Variants in SHOC1 observed in about 807,000 individuals in gnomAD.
SHOC1 encodes the protein shortage in chiasmata 1, also known as protein shortage in chiasmata 1 ortholog.
A neutral mutation model predicts 179.2 loss-of-function variants in SHOC1; 136 were observed. That is an observed-to-expected ratio of 0.76 (90% CI 0.66 to 0.87). SHOC1 has a LOEUF of 0.87. Ranked by LOEUF, SHOC1 falls within the 40% of genes least tolerant of loss-of-function variation. SHOC1 has a pLI of 0.00. For synonymous variants in SHOC1, 489 were observed against 586.6 expected (o/e 0.83, Z 2.41); for missense variants, 1,538 against 1,700.8 (o/e 0.90, Z 1.68).
intron 8 of SHOC1, among the ~76,000 whole-genome samples, chr9:111,755,459 C>G (rs1342382070): frequency 6.6e-6 from 1 of 152,130 alleles, no homozygotes; most frequent in Non-Finnish European, 1.5e-5. Flanking sequence ...TCCTTTCCTC[C>G]ATGATATTAT....
chr9:111,762,216 G>A (rs1835166979), intron 5 of SHOC1, among the ~76,000 whole-genome samples: 1 of 152,146 alleles, frequency 6.6e-6, no homozygotes, highest in Admixed American at 6.5e-5. Context: ...GATTGCTTGA[G>A]CCTAGAAGTT....
rs769088263 is a variant in SHOC1, at chr9:111,686,771, CA to C, written c.4525del (p.Ter1509GlufsTer45). On this transcript the variant is annotated frameshift_variant and stop_lost, in exon 28 of 28. Transcript: ENST00000682961. LOFTEE classifies it high-confidence loss of function. ...VDGQTRLRFF[*>X] ...ATGTAACATTGCTCTTCTCCTCCTT[CA>C]AAAAAACCTCAGCCGAGTCTGCCCA... The C allele has an allele frequency of 5.6e-6, 9 of 1,604,196 alleles. No individual in the cohort carries two copies. The highest frequency in any genetic ancestry group is 6.8e-6 in the Non-Finnish European group (8 of 1,171,836).
In SHOC1 at chr9:111,775,853, T is replaced by C. The variant is rs1256333697; in HGVS notation, c.380A>G (p.Asn127Ser). ...EVSLYTHMDY[N>S]EVFTPVSCLE... ...ACAACTGACAGGGGTAAAGACTTCATTGTAGTCCATGTGGGTGTATAAACT... is the reference window on the plus strand; with the variant it reads ...ACAACTGACAGGGGTAAAGACTTCACTGTAGTCCATGTGGGTGTATAAACT... The change falls in exon 5 of 28, where the codon AAT becomes AGT. Residue 127 changes from asparagine to serine, a missense_variant. Physicochemically the swap from Asn to Ser is conservative, Grantham distance 46 (BLOSUM62 1). Coordinates refer to ENST00000682961, the MANE Select transcript of SHOC1 (RefSeq NM_001378211.1). 2 of 1,613,674 alleles carry C rather than the reference T, an allele frequency of 1.2e-6. No individual in the cohort carries two copies. Among genetic ancestry groups the C allele is most frequent in the African/African-American group, 1.3e-5 (1 of 74,928 alleles).
intron 14 of SHOC1, among the ~76,000 whole-genome samples, chr9:111,723,005 C>T (rs1833137770): frequency 6.6e-6 from 1 of 152,136 alleles, no homozygotes; most frequent in South Asian, 2.1e-4. Context: ...TGGTCTCGAT[C>T]TCTTGACCTC....
intron 10 of SHOC1, among the ~76,000 whole-genome samples, chr9:111,744,586 C>T (rs1834186697): frequency 6.6e-6 from 1 of 152,190 alleles, no homozygotes; most frequent in South Asian, 2.1e-4. Flanking sequence ...GGCAGATCAG[C>T]TAATTATAAC....
chr9:111,705,423 CTT>C (rs34081368), intron 20 of SHOC1, 59 bp from the exon 21 acceptor site: 137 of 532,282 alleles, frequency 2.6e-4, no homozygotes, highest in South Asian at 6.2e-4. Context: ...AGCTCTTTCT[CTT>C]TTTTTTTTTA....
At chr9:111,794,392 G>T (rs190148271) in intron 1 of SHOC1, among the ~76,000 whole-genome samples, 3 of 151,700 alleles carry the variant, frequency 2.0e-5, no homozygotes, top group Non-Finnish European at 4.4e-5. Context: ...GAGACCAGCC[G>T]GGTCAACATG....
intron 4 of SHOC1, among the ~76,000 whole-genome samples, chr9:111,779,488 C>A (rs574695252): frequency 6.6e-6 from 1 of 152,250 alleles, no homozygotes; most frequent in African/African-American, 2.4e-5. Flanking sequence ...ATTGCATATT[C>A]CTGTGTCTAT....
chr9:111,686,780 C>G lies in SHOC1; in HGVS notation c.4517G>C (p.Arg1506Thr), dbSNP rs763196125. The G allele has an allele frequency of 6.2e-7, 1 of 1,611,334 alleles. No homozygotes were observed. Among genetic ancestry groups the G allele is most frequent in the Admixed American group, 1.7e-5 (1 of 59,866 alleles). The change falls in exon 28 of 28, where the codon AGG (arginine) becomes ACG (threonine). Residue 1506 changes from arginine to threonine, a missense_variant. Arg to Thr is a moderately conservative substitution (Grantham distance 71). Coordinates refer to ENST00000682961, the MANE Select transcript of SHOC1 (RefSeq NM_001378211.1). Reference sequence around the variant, plus strand: ...TGCTCTTCTCCTCCTTCAAAAAAACCTCAGCCGAGTCTGCCCATCAACTCT... The same window carrying G: ...TGCTCTTCTCCTCCTTCAAAAAAACGTCAGCCGAGTCTGCCCATCAACTCT... ...PGRVDGQTRLRFF is the reference protein window; with the variant it reads ...PGRVDGQTRLTFF
At chr9:111,766,989 T>C (rs906124903) in intron 5 of SHOC1, among the ~76,000 whole-genome samples, 7 of 152,174 alleles carry the variant, frequency 4.6e-5, no homozygotes, top group African/African-American at 1.4e-4. Context: ...GTTGGCCATT[T>C]CTTCTTTTGA....
Position 111,702,052 on chromosome 9 carries a change from A to G in SHOC1, c.3089+53T>C. 9.9e-6 allele frequency: 13 copies of G among 1,314,304 alleles called. No homozygotes were observed. In the South Asian group the frequency reaches 1.4e-4, roughly 15 times the overall value. The allele number at this position is 1,314,304 out of a possible 1,614,324, so 81.4% of individuals were successfully genotyped here. On this transcript the variant is annotated intron_variant, in intron 23 of 27. Coordinates refer to ENST00000682961, the MANE Select transcript of SHOC1 (RefSeq NM_001378211.1). ...TAGCCATTTCCATTCAAATAAGAGG[A>G]CTTAGGATTAAGAAATACGAACATA...
At chr9:111,728,074 C>A in intron 12 of SHOC1, 25 bp from the exon 13 acceptor site, 2 of 1,489,852 alleles carry the variant, frequency 1.3e-6, no homozygotes, top group Non-Finnish European at 1.8e-6. Context: ...TAACAACACA[C>A]AAGTAACTTC....
intron 5 of SHOC1, among the ~76,000 whole-genome samples, chr9:111,767,044 T>G (rs1474835233): frequency 6.6e-6 from 1 of 152,240 alleles, no homozygotes; most frequent in Non-Finnish European, 1.5e-5. Flanking sequence ...TTGGATTTTT[T>G]TTTTTGCTAT....
chr9:111,756,933 C>T (rs1834888050), intron 7 of SHOC1, among the ~76,000 whole-genome samples: 1 of 152,114 alleles, frequency 6.6e-6, no homozygotes, highest in Non-Finnish European at 1.5e-5. Context: ...GAGACTAAGT[C>T]CACAACTCTC....
At chr9:111,702,053 C>T (rs2131343016) in intron 23 of SHOC1, 52 bp downstream of exon 23, 8 of 1,328,252 alleles carry the variant, frequency 6.0e-6, no homozygotes, top group South Asian at 5.8e-5. Flanking sequence ...AATAAGAGGA[C>T]TTAGGATTAA....
chr9:111,736,115 A>G (rs1313664942), intron 12 of SHOC1, among the ~76,000 whole-genome samples: 1 of 152,244 alleles, frequency 6.6e-6, no homozygotes, highest in Non-Finnish European at 1.5e-5. Context: ...TGGAAGAATC[A>G]GTATAGTTAA....
intron 27 of SHOC1, 71 bp downstream of exon 27, chr9:111,691,480 A>G (rs1831418432): frequency 8.4e-6 from 12 of 1,429,152 alleles, no homozygotes; most frequent in Non-Finnish European, 1.1e-5. Context: ...AAAAAATGTT[A>G]AATTTGGAGA....
chr9:111,740,249 T>C (rs1833973597), intron 11 of SHOC1, among the ~76,000 whole-genome samples: 1 of 152,140 alleles, frequency 6.6e-6, no homozygotes, highest in South Asian at 2.1e-4. Context: ...CCACGTAGGA[T>C]ATTTCTTGAC....
chr9:111,740,243 G>A (rs979938826), intron 11 of SHOC1, among the ~76,000 whole-genome samples: 2 of 152,074 alleles, frequency 1.3e-5, no homozygotes, highest in Middle Eastern at 3.2e-3. Flanking sequence ...GACCCTCCAC[G>A]TAGGATATTT....
Sources: gnomAD v4.1 joint callset for allele counts (sites outside exome capture counted in the v4.1 genomes callset) on GRCh38, gnomAD v4.1.1 for gene constraint, MANE v1.5 for transcripts, NCBI Gene and HGNC (gene_info 2026-07-23, HGNC 2026-07-21) for gene names.